ANK3: variants seen among roughly 807,000 people sequenced by gnomAD.
ANK3 encodes the protein ankyrin 3.
In ANK3, 57 loss-of-function variants were observed where a neutral mutation model predicts 370.9. The ratio of observed to expected loss-of-function variants is 0.15; its 90% confidence interval spans 0.12 to 0.19. The LOEUF (loss-of-function observed/expected upper bound fraction) is 0.19, where lower values mean the gene tolerates loss of function less well. Ranked by LOEUF, ANK3 falls within the 10% of genes least tolerant of loss-of-function variation. The pLI is 1.00. For synonymous variants in ANK3, 1,929 were observed against 1,946.3 expected, an observed-to-expected ratio of 0.99 and a Z score of 0.23; for missense variants, 4,439 against 5,302.1, an observed-to-expected ratio of 0.84 and a Z score of 5.06.
In ANK3 at chr10:60,641,195, G is replaced by A. The variant is rs529176745; in HGVS notation, c.58-25971C>T. Among the ~76,000 whole-genome samples, 859 of 147,422 alleles carry A rather than the reference G, an allele frequency of 5.8e-3. 7 individuals are homozygous for A. The highest frequency in any genetic ancestry group is 0.01 in the Middle Eastern group (3 of 286). ...AGGAAGAATCAATATTGTGAAAATG[G>A]CCATACTGCCCACGGTAATTTATAG... On this transcript the variant is annotated intron_variant, in intron 1 of 43. Coordinates refer to the ANK3 transcript ENST00000373827.
At chr10:60,213,016 C>T (rs76270061) in intron 9 of ANK3, among the ~76,000 whole-genome samples, 5,526 of 152,188 alleles carry the variant, frequency 0.036, 316 homozygotes, top group African/African-American at 0.12. Flanking sequence ...AAGTGATATC[C>T]TTGACCTCCT....
intron 1 of ANK3, among the ~76,000 whole-genome samples, chr10:60,352,294 C>T (rs117614337): frequency 0.016 from 2,432 of 152,192 alleles, 29 homozygotes; most frequent in Non-Finnish European, 0.025. Context: ...AGCAAGACTC[C>T]GTCTCAAATA....
intron 23 of ANK3, among the ~76,000 whole-genome samples, chr10:60,142,954 T>G (rs2094632676): frequency 6.6e-6 from 1 of 152,126 alleles, no homozygotes; most frequent in Non-Finnish European, 1.5e-5. Flanking sequence ...CCAACCTCTA[T>G]AAAACTGGGG....
At chr10:60,259,780 T>C (rs1276101768) in intron 7 of ANK3, among the ~76,000 whole-genome samples, 6 of 152,158 alleles carry the variant, frequency 3.9e-5, no homozygotes, top group African/African-American at 1.4e-4. Flanking sequence ...AATTAGAAGA[T>C]GTAACTTAAT....
At chr10:60,268,528 T>C (rs986029439) in intron 5 of ANK3, among the ~76,000 whole-genome samples, 9 of 152,286 alleles carry the variant, frequency 5.9e-5, no homozygotes, top group African/African-American at 1.7e-4. Context: ...AGGATTCTTA[T>C]TGGTGTAAAT....
chr10:60,165,811 A>G (rs1459205432), intron 23 of ANK3, among the ~76,000 whole-genome samples: 2 of 152,186 alleles, frequency 1.3e-5, no homozygotes, highest in African/African-American at 2.4e-5. Flanking sequence ...CATTTGGGAG[A>G]GTCAAATGAT....
chr10:60,248,748 G>A (rs1223159367), intron 7 of ANK3, among the ~76,000 whole-genome samples: 1 of 152,172 alleles, frequency 6.6e-6, no homozygotes, highest in African/African-American at 2.4e-5. Flanking sequence ...TGGGTTACAG[G>A]TAACATGGCT....
intron 2 of ANK3, among the ~76,000 whole-genome samples, chr10:60,588,047 A>C (rs568463531): frequency 6.6e-6 from 1 of 152,192 alleles, no homozygotes; most frequent in African/African-American, 2.4e-5. Context: ...TTAACATCAC[A>C]AAAAGAGAGA....
At chr10:60,228,142 T>G (rs2097191038) in intron 8 of ANK3, among the ~76,000 whole-genome samples, 1 of 152,158 alleles carries the variant, frequency 6.6e-6, no homozygotes, top group African/African-American at 2.4e-5. Flanking sequence ...CATCATAGTT[T>G]GTATTTCTTT....
chr10:60,155,140 C>T (rs983587131), intron 23 of ANK3, among the ~76,000 whole-genome samples: 20 of 152,164 alleles, frequency 1.3e-4, no homozygotes, highest in African/African-American at 3.9e-4. Flanking sequence ...TCACAATACC[C>T]GATTTTAATG....
chr10:60,261,880 A>G lies in ANK3; in HGVS notation c.777T>C (p.Ala259=), dbSNP rs1566067433. ...TTACCCTTGCGGTGAAATCCACAGC[A>G]GCCGCTCGGTTTAACAGCAACGTGG... is the stretch of plus-strand genomic sequence containing the variant. The part of the protein sequence containing the change: ...NVATLLLNRA[A]AVDFTARNDI... The change falls in exon 7 of 44, where the codon GCT becomes GCC. Residue 259 remains alanine, a synonymous_variant. Coordinates refer to ENST00000280772, the MANE Select transcript of ANK3 (RefSeq NM_020987.5). 1.9e-6 allele frequency: 3 copies of G among 1,614,158 alleles called. No homozygotes were observed. Among genetic ancestry groups the G allele is most frequent in the Non-Finnish European group, 2.5e-6 (3 of 1,180,002 alleles).
intron 23 of ANK3, among the ~76,000 whole-genome samples, chr10:60,146,612 C>T (rs2094838275): frequency 6.6e-6 from 1 of 152,094 alleles, no homozygotes; most frequent in Admixed American, 6.5e-5. Context: ...CCTCAGCCTC[C>T]CGAGTAGTTG....
At chr10:60,555,558 C>A (rs376627605) in intron 2 of ANK3, among the ~76,000 whole-genome samples, 1 of 151,866 alleles carries the variant, frequency 6.6e-6, no homozygotes, top group African/African-American at 2.4e-5. Context: ...TAAAAGCATT[C>A]GGGTATGAAG....
intron 26 of ANK3, among the ~76,000 whole-genome samples, chr10:60,110,117 A>G (rs1376281597): frequency 6.6e-6 from 1 of 152,172 alleles, no homozygotes; most frequent in Non-Finnish European, 1.5e-5. Context: ...TTTTAGAAAA[A>G]AAAAGTCCCA....
chr10:60,314,259 A>G (rs554620341), intron 1 of ANK3, among the ~76,000 whole-genome samples: 51 of 152,340 alleles, frequency 3.3e-4, no homozygotes, highest in African/African-American at 1.2e-3. Flanking sequence ...AACACGGACA[A>G]TATATTCCAG....
At chr10:60,691,105 C>T (rs2079345784) in intron 1 of ANK3, among the ~76,000 whole-genome samples, 1 of 151,992 alleles carries the variant, frequency 6.6e-6, no homozygotes, top group South Asian at 2.1e-4. Context: ...TGGCATCTAC[C>T]CACAGATCTG....
chr10:60,073,198 C>A lies in ANK3; in HGVS notation c.7683G>T (p.Glu2561Asp). 1 of 1,614,098 alleles carries A rather than the reference C, an allele frequency of 6.2e-7. No individual in the cohort carries two copies. Among genetic ancestry groups the A allele is most frequent in the Non-Finnish European group, 8.5e-7 (1 of 1,180,018 alleles). Residue 2561 changes from glutamate (E) to aspartate (D), a missense_variant, in exon 37 of 44, where the codon GAG (glutamate) becomes GAT (aspartate). Physicochemically the swap from Glu to Asp is conservative, Grantham distance 45 (BLOSUM62 2). This residue lies in a region of ANK3 where 1,601 missense variants were observed against 1,731.7 expected (regional missense o/e 0.92). Coordinates refer to ENST00000280772, the MANE Select transcript of ANK3 (RefSeq NM_020987.5). Reference protein sequence around the residue: ...PKHAMWMRFTEDRLDRGREKL... With the variant: ...PKHAMWMRFTDDRLDRGREKL... ...TCTCTCTACCTCTGTCTAATCTGTC[C>A]TCAGTAAAGCGCATCCACATGGCAT...
chr10:60,299,851 G>T (rs1344280071), intron 1 of ANK3, among the ~76,000 whole-genome samples: 1 of 152,058 alleles, frequency 6.6e-6, no homozygotes, highest in Non-Finnish European at 1.5e-5. Context: ...ATTTATATGA[G>T]TTTCAAAAAT....
intron 2 of ANK3, among the ~76,000 whole-genome samples, chr10:60,558,782 G>C (rs541843275): frequency 2.0e-5 from 3 of 151,692 alleles, no homozygotes; most frequent in African/African-American, 4.8e-5. Flanking sequence ...AATTTCCCTA[G>C]AGATAGAGTA....
Sources: gnomAD v4.1 joint callset for allele counts (sites outside exome capture counted in the v4.1 genomes callset) on GRCh38, gnomAD v4.1.1 for gene constraint, gnomAD v4.1.1 regional missense constraint, MANE v1.5 for transcripts, NCBI Gene and HGNC (gene_info 2026-07-23, HGNC 2026-07-21) for gene names.